Variants in NTN1 observed in about 807,000 individuals in gnomAD.
NTN1 encodes netrin-1.
Under a neutral mutation model 54.2 loss-of-function variants are expected in NTN1, and 11 were observed. The observed-to-expected ratio is 0.20, with a 90% CI of 0.13 to 0.34. NTN1 has a LOEUF of 0.34. Among genes scored for constraint, NTN1 ranks in the 10% least tolerant of loss-of-function variants. The probability of loss-of-function intolerance (pLI) is 1.00; values close to 1 mark genes in which losing one functional copy is unlikely to be tolerated. For synonymous variants in NTN1, 371 were observed against 382.0 expected, an observed-to-expected ratio of 0.97 and a Z score of 0.33; for missense variants, 740 against 893.1, an observed-to-expected ratio of 0.83 and a Z score of 2.18.
intron 2 of NTN1, among the ~76,000 whole-genome samples, chr17:9,122,884 G>A (rs948229896): frequency 6.6e-6 from 1 of 152,060 alleles, no homozygotes; most frequent in Non-Finnish European, 1.5e-5. Context: ...GTTTTGCATG[G>A]TTGCATAGTA....
intron 2 of NTN1, among the ~76,000 whole-genome samples, chr17:9,124,784 AC>A (rs1389800307): frequency 6.6e-6 from 1 of 151,734 alleles, no homozygotes; most frequent in Non-Finnish European, 1.5e-5. Flanking sequence ...AGCTCCCAAA[AC>A]CCTGGGACAT....
At chr17:9,238,932 A>G (rs978802901) in intron 6 of NTN1, among the ~76,000 whole-genome samples, 2 of 152,118 alleles carry the variant, frequency 1.3e-5, no homozygotes, top group African/African-American at 2.4e-5. Flanking sequence ...GGGGATTCTG[A>G]TGCATGCTCC....
chr17:9,064,952 A>G (rs1436321690), intron 2 of NTN1, among the ~76,000 whole-genome samples: 2 of 151,734 alleles, frequency 1.3e-5, no homozygotes, highest in African/African-American at 4.8e-5. Context: ...TAATTTATTT[A>G]TTGAGATGGC....
intron 2 of NTN1, among the ~76,000 whole-genome samples, chr17:9,033,063 T>G (rs1236090206): frequency 2.0e-5 from 3 of 151,860 alleles, no homozygotes; most frequent in African/African-American, 7.3e-5. Context: ...AAGTGATTCT[T>G]CTGTCTCAGC....
intron 2 of NTN1, among the ~76,000 whole-genome samples, chr17:9,143,627 G>A (rs777370202): frequency 6.6e-6 from 1 of 152,178 alleles, no homozygotes; most frequent in African/African-American, 2.4e-5. Context: ...TCAGAGAGGT[G>A]TCTTTCTTTC....
intron 2 of NTN1, among the ~76,000 whole-genome samples, chr17:9,153,389 C>T (rs906512818): frequency 3.9e-5 from 6 of 152,100 alleles, no homozygotes; most frequent in African/African-American, 1.2e-4. Flanking sequence ...GCAGAGCTTG[C>T]GGTGAGCTGA....
chr17:9,198,282 C>T (rs1904691625), intron 5 of NTN1, among the ~76,000 whole-genome samples: 1 of 152,222 alleles, frequency 6.6e-6, no homozygotes, highest in South Asian at 2.1e-4. Context: ...GTCATATTTA[C>T]AGGCAAAAGG....
intron 5 of NTN1, among the ~76,000 whole-genome samples, chr17:9,188,419 A>G (rs1299229251): frequency 6.7e-5 from 7 of 104,090 alleles, no homozygotes; most frequent in African/African-American, 2.7e-4. Context: ...TAAGAGTAAA[A>G]CTCCATCTCA....
chr17:9,216,015 C>T (rs1335442016), intron 5 of NTN1, among the ~76,000 whole-genome samples: 2 of 152,222 alleles, frequency 1.3e-5, no homozygotes, highest in African/African-American at 2.4e-5. Flanking sequence ...GGCTAAAGTG[C>T]AGTGGCGCAG....
intron 6 of NTN1, among the ~76,000 whole-genome samples, chr17:9,227,571 ACACAC>A (rs1352683370): frequency 1.3e-5 from 2 of 149,934 alleles, no homozygotes; most frequent in African/African-American, 4.9e-5. Context: ...ACTATCACAC[ACACAC>A]ATCACACACG....
At chr17:9,227,477 C>T (rs1188936945) in intron 6 of NTN1, among the ~76,000 whole-genome samples, 1 of 136,026 alleles carries the variant, frequency 7.4e-6, no homozygotes, top group African/African-American at 2.9e-5. Flanking sequence ...CAGTCACACA[C>T]ATAGCACACA....
At chr17:9,173,384 C>T (rs1034343586) in intron 3 of NTN1, 2 of 152,302 alleles carry the variant, frequency 1.3e-5, no homozygotes, top group African/African-American at 4.8e-5. Flanking sequence ...CAGGCTTCCT[C>T]CAAGAGGCCT....
At chr17:9,127,581 C>T (rs2092251556) in intron 2 of NTN1, among the ~76,000 whole-genome samples, 1 of 151,994 alleles carries the variant, frequency 6.6e-6, no homozygotes. Flanking sequence ...CTGCTGAGGA[C>T]CCCTGGACAC....
intron 5 of NTN1, among the ~76,000 whole-genome samples, chr17:9,184,429 C>T (rs2142321330): frequency 6.6e-6 from 1 of 152,302 alleles, no homozygotes; most frequent in South Asian, 2.1e-4. Flanking sequence ...AAAGGAACAT[C>T]CTAAATTACT....
intron 5 of NTN1, among the ~76,000 whole-genome samples, chr17:9,204,282 C>CTA (rs1473473708): frequency 1.5e-5 from 2 of 131,384 alleles, no homozygotes; most frequent in Non-Finnish European, 3.4e-5. Flanking sequence ...CTCTCTTTCT[C>CTA]TATCTCTTTC....
chr17:9,188,949 T>TA (rs1904375764), intron 5 of NTN1, among the ~76,000 whole-genome samples: 1 of 152,166 alleles, frequency 6.6e-6, no homozygotes, highest in Non-Finnish European at 1.5e-5. Context: ...TGAAGCGGGA[T>TA]GTTAGGCTGT....
At chr17:9,144,822 C>T (rs182509775) in intron 2 of NTN1, among the ~76,000 whole-genome samples, 1 of 152,226 alleles carries the variant, frequency 6.6e-6, no homozygotes, top group South Asian at 2.1e-4. Context: ...CTGTTTCAGC[C>T]TGTTTGCATT....
upstream of NTN1, among the ~76,000 whole-genome samples, chr17:9,021,073 C>A (rs1181095772): frequency 6.6e-6 from 1 of 152,182 alleles, no homozygotes; most frequent in Non-Finnish European, 1.5e-5. Context: ...AGAGGAAGGC[C>A]CGACCTCCGC....
chr17:9,031,024 G>T (rs2091886999), intron 2 of NTN1, among the ~76,000 whole-genome samples: 1 of 152,120 alleles, frequency 6.6e-6, no homozygotes, highest in South Asian at 2.1e-4. Context: ...CTCCTGGCTG[G>T]TGCTATTGCT....
Sources: allele counts gnomAD v4.1 joint callset (sites outside exome capture counted in the v4.1 genomes callset), GRCh38; gene constraint gnomAD v4.1.1; transcripts MANE v1.5; gene names NCBI Gene and HGNC (gene_info 2026-07-23, HGNC 2026-07-21).